The following RASEF variants were observed in gnomAD, a reference collection of about 807,000 sequenced individuals.
RASEF encodes the protein ras and EF-hand domain-containing protein.
Under a neutral mutation model 90.1 loss-of-function variants are expected in RASEF, and 68 were observed. The observed-to-expected ratio is 0.75, with a 90% CI of 0.62 to 0.92. The LOEUF (loss-of-function observed/expected upper bound fraction) is 0.92, where lower values mean the gene tolerates loss of function less well. RASEF is among the 40% of genes least tolerant of loss of function. The pLI is 0.00. For synonymous variants in RASEF, 331 were observed against 345.2 expected (o/e 0.96, Z 0.46); for missense variants, 949 against 937.2 (o/e 1.01, Z -0.16).
At chr9:82,997,241 T>G in intron 13 of RASEF, 115 bp from the exon 14 acceptor site, 1 of 681,844 alleles carries the variant, frequency 1.5e-6, no homozygotes, top group Non-Finnish European at 2.7e-6. Context: ...AGACTCTAAC[T>G]GCAATATATG....
intron 3 of RASEF, among the ~76,000 whole-genome samples, chr9:83,018,190 T>C (rs892549240): frequency 1.4e-5 from 2 of 147,102 alleles, no homozygotes; most frequent in Admixed American, 1.4e-4. Flanking sequence ...AAATAAAATG[T>C]TTTTATTAAT....
chr9:83,043,979 G>C (rs1282074134), intron 1 of RASEF, among the ~76,000 whole-genome samples: 2 of 152,136 alleles, frequency 1.3e-5, no homozygotes, highest in Non-Finnish European at 2.9e-5. Flanking sequence ...AATGAATCTA[G>C]CAGCTCTCTT....
At chr9:83,140,871 A>G in the RASEF span, among the ~76,000 whole-genome samples, 1 of 152,132 alleles carries the variant, frequency 6.6e-6, no homozygotes, top group South Asian at 2.1e-4. Context: ...AAAGGTAGAT[A>G]GGGGCTCATG....
At chr9:83,025,355 A>G (rs534518405) in intron 2 of RASEF, among the ~76,000 whole-genome samples, 2 of 152,226 alleles carry the variant, frequency 1.3e-5, no homozygotes, top group East Asian at 3.9e-4. Flanking sequence ...ACGTGAAGAT[A>G]TTCATCCTCA....
the RASEF span, among the ~76,000 whole-genome samples, chr9:83,135,222 T>A: frequency 6.6e-6 from 1 of 152,084 alleles, no homozygotes; most frequent in Non-Finnish European, 1.5e-5. Flanking sequence ...CTGGAAACCA[T>A]CATTCTGAGC....
chr9:83,084,149 T>G, the RASEF span, among the ~76,000 whole-genome samples: 1 of 151,408 alleles, frequency 6.6e-6, no homozygotes. Context: ...TGATCCATAC[T>G]TAAGTCTACT....
At chr9:83,011,616 G>C (rs1284936323) in intron 5 of RASEF, among the ~76,000 whole-genome samples, 1 of 130,672 alleles carries the variant, frequency 7.7e-6, no homozygotes, top group Non-Finnish European at 1.7e-5. Context: ...TTTTCAAGGA[G>C]AAAAACTAAA....
the RASEF span, among the ~76,000 whole-genome samples, chr9:83,181,203 G>T: frequency 6.6e-6 from 1 of 150,826 alleles, no homozygotes; most frequent in Non-Finnish European, 1.5e-5. Context: ...AAAAAAATTT[G>T]CTGGGAAAAC....
chr9:83,021,167 C>A lies in RASEF; in HGVS notation c.669+1169G>T, dbSNP rs981677638. ...GGGTGCAGCCACTACATTGCAGGCA[C>A]CGTGCTAGGCACTTTATATAGATCA... is the stretch of plus-strand genomic sequence containing the variant. On this transcript the variant is annotated intron_variant, in intron 3 of 16. Coordinates refer to ENST00000376447, the MANE Select transcript of RASEF (RefSeq NM_152573.4). Among the ~76,000 whole-genome samples the A allele has an allele frequency of 1.3e-4, 20 of 152,230 alleles. 1 individual carries two copies. The highest frequency in any genetic ancestry group is 4.8e-4 in the African/African-American group (20 of 41,464).
At chr9:83,066,829 C>G (rs1388887203), upstream of RASEF, among the ~76,000 whole-genome samples, 5 of 152,132 alleles carry the variant, frequency 3.3e-5, no homozygotes, top group Admixed American at 3.3e-4. Flanking sequence ...CGAATATTTC[C>G]TAAATGTATT....
At chr9:83,019,513 T>A (rs1181130880) in intron 3 of RASEF, among the ~76,000 whole-genome samples, 1 of 152,054 alleles carries the variant, frequency 6.6e-6, no homozygotes, top group Non-Finnish European at 1.5e-5. Flanking sequence ...GGAAATCAGG[T>A]TTGCAGTATC....
chr9:83,024,810 G>A (rs1040603124), intron 2 of RASEF, among the ~76,000 whole-genome samples: 2 of 152,200 alleles, frequency 1.3e-5, no homozygotes, highest in Non-Finnish European at 2.9e-5. Flanking sequence ...CATGTGGATG[G>A]GAAGGATAAA....
At chr9:83,097,203 G>A in the RASEF span, among the ~76,000 whole-genome samples, 59 of 152,250 alleles carry the variant, frequency 3.9e-4, no homozygotes, top group African/African-American at 1.3e-3. Context: ...CTGAGGAATC[G>A]CCACACTGTC....
chr9:83,189,299 C>T, the RASEF span, among the ~76,000 whole-genome samples: 2 of 152,132 alleles, frequency 1.3e-5, no homozygotes, highest in Admixed American at 1.3e-4. Context: ...TATTTGCTTC[C>T]ACTTCTGCAA....
chr9:83,042,392 C>A (rs1829858808), intron 1 of RASEF, among the ~76,000 whole-genome samples: 1 of 152,034 alleles, frequency 6.6e-6, no homozygotes. Context: ...TTTCAGTGAC[C>A]AACATATGAA....
the RASEF span, among the ~76,000 whole-genome samples, chr9:83,153,387 G>A: frequency 6.6e-6 from 1 of 152,058 alleles, no homozygotes; most frequent in Non-Finnish European, 1.5e-5. Context: ...GAAATTTCTT[G>A]TTCCTTGCAC....
the RASEF span, among the ~76,000 whole-genome samples, chr9:83,097,402 T>C: frequency 1.3e-5 from 2 of 152,148 alleles, no homozygotes; most frequent in Non-Finnish European, 2.9e-5. Context: ...AATTGACAAA[T>C]GGGATCTAAT....
the RASEF span, among the ~76,000 whole-genome samples, chr9:83,106,213 C>T: frequency 6.6e-6 from 1 of 152,102 alleles, no homozygotes; most frequent in Non-Finnish European, 1.5e-5. Flanking sequence ...TTGCTTAATC[C>T]CTCCACCTTG....
chr9:83,195,420 T>C, the RASEF span, among the ~76,000 whole-genome samples: 2 of 152,194 alleles, frequency 1.3e-5, no homozygotes, highest in African/African-American at 4.8e-5. Context: ...GGAAAGTCAA[T>C]CTCATTTATG....
Sources: allele counts gnomAD v4.1 joint callset (sites outside exome capture counted in the v4.1 genomes callset), GRCh38; gene constraint gnomAD v4.1.1; transcripts MANE v1.5; gene names NCBI Gene and HGNC (gene_info 2026-07-23, HGNC 2026-07-21).